Variants in PHF20 observed in about 807,000 individuals in gnomAD.
PHF20 encodes the protein PHD finger protein 20.
In PHF20, 23 loss-of-function variants were observed where a neutral mutation model predicts 113.5. The observed-to-expected ratio is 0.20, with a 90% confidence interval of 0.15 to 0.29. The LOEUF (loss-of-function observed/expected upper bound fraction) is 0.29. PHF20 is among the 10% of genes least tolerant of loss of function. PHF20 has a pLI of 1.00. For missense variants in PHF20, 943 were observed against 1,219.6 expected, an observed-to-expected ratio of 0.77 and a Z score of 3.38; for synonymous variants, 434 against 457.3, an observed-to-expected ratio of 0.95 and a Z score of 0.65.
chr20:35,862,880 G>T (rs17093179), intron 5 of PHF20, 133 bp from the exon 6 acceptor site: 25,760 of 795,288 alleles, frequency 0.032, 587 homozygotes, highest in African/African-American at 0.1. Flanking sequence ...GTTGTCAGTG[G>T]TGCTTTGTAT....
At chr20:35,893,117 A>G (rs865856428) in intron 9 of PHF20, among the ~76,000 whole-genome samples, 3 of 152,336 alleles carry the variant, frequency 2.0e-5, no homozygotes, top group Middle Eastern at 3.4e-3. Context: ...CTGAGTGCCA[A>G]GCTGGCGCTC....
At chr20:35,874,352 G>A (rs1437095854) in intron 9 of PHF20, among the ~76,000 whole-genome samples, 1 of 152,226 alleles carries the variant, frequency 6.6e-6, no homozygotes, top group African/African-American at 2.4e-5. Context: ...AAGGCAAAAA[G>A]CGACAGTCAT....
chr20:35,945,212 C>T (rs1028055753), intron 17 of PHF20, among the ~76,000 whole-genome samples: 3 of 152,128 alleles, frequency 2.0e-5, no homozygotes, highest in African/African-American at 4.8e-5. Flanking sequence ...TTCCTTCTCT[C>T]GCTGTGTTTG....
chr20:35,869,415 G>A, intron 6 of PHF20, 23 bp from the exon 7 acceptor site: 1 of 1,207,100 alleles, frequency 8.3e-7, no homozygotes, highest in Non-Finnish European at 1.2e-6. Context: ...ATCTTTTTTT[G>A]TGTGGTTTTA....
chr20:35,943,961 C>T (rs894242723), intron 17 of PHF20, among the ~76,000 whole-genome samples: 33 of 151,008 alleles, frequency 2.2e-4, no homozygotes, highest in African/African-American at 6.8e-4. Context: ...TATTTAATGA[C>T]CATGAAAAGT....
intron 2 of PHF20, among the ~76,000 whole-genome samples, chr20:35,820,436 G>A (rs2042147805): frequency 6.7e-6 from 1 of 149,912 alleles, no homozygotes; most frequent in Non-Finnish European, 1.5e-5. Context: ...CTAGAAAGTG[G>A]AATAAGTACT....
chr20:35,783,268 G>T (rs1261380408), intron 1 of PHF20, among the ~76,000 whole-genome samples: 1 of 152,096 alleles, frequency 6.6e-6, no homozygotes, highest in Non-Finnish European at 1.5e-5. Flanking sequence ...GATTTATGAG[G>T]AGTTGAGTAT....
rs191653316 is a variant in PHF20 at position 35,797,838 on chromosome 20, G to T, written c.-32-3653G>T. Among the ~76,000 whole-genome samples the T allele has an allele frequency of 1.2e-4, 18 of 151,814 alleles. No homozygotes were observed. In the East Asian group the frequency reaches 3.5e-3, roughly 30 times the overall value. ...GGCTAATTTTTGTATTTTTAGTAGA[G>T]ACGGGGTTTCACCATGTTGGCTAGG... On this transcript the variant is annotated intron_variant, in intron 1 of 17. Transcript: ENST00000374012.
At chr20:35,922,663 C>T (rs1010224936) in intron 13 of PHF20, among the ~76,000 whole-genome samples, 9 of 152,174 alleles carry the variant, frequency 5.9e-5, no homozygotes, top group Non-Finnish European at 1.2e-4. Flanking sequence ...ACAGGAAATA[C>T]ATTTGATATT....
intron 2 of PHF20, among the ~76,000 whole-genome samples, chr20:35,827,802 A>AT (rs2042289515): frequency 1.3e-5 from 2 of 151,020 alleles, no homozygotes; most frequent in African/African-American, 4.9e-5. Context: ...AAAAAAAAAA[A>AT]GCAGAAGGCT....
intron 1 of PHF20, among the ~76,000 whole-genome samples, chr20:35,781,341 C>T (rs866525888): frequency 1.3e-5 from 2 of 151,428 alleles, no homozygotes; most frequent in Non-Finnish European, 2.9e-5. Flanking sequence ...ACGGGTTTCA[C>T]CGTATTAGCC....
At chr20:35,936,076 T>C (rs553448901) in intron 15 of PHF20, among the ~76,000 whole-genome samples, 46 of 152,292 alleles carry the variant, frequency 3.0e-4, no homozygotes, top group Admixed American at 2.7e-3. Context: ...CACCTTCAGA[T>C]CGCAGTTGGA....
intron 9 of PHF20, among the ~76,000 whole-genome samples, chr20:35,891,490 AC>A (rs1365254902): frequency 6.6e-6 from 1 of 152,188 alleles, no homozygotes; most frequent in Non-Finnish European, 1.5e-5. Flanking sequence ...TCCATAAAAT[AC>A]TTACAGGAAT....
chr20:35,922,583 A>G (rs917479532), intron 13 of PHF20, among the ~76,000 whole-genome samples: 2 of 152,236 alleles, frequency 1.3e-5, no homozygotes, highest in Non-Finnish European at 2.9e-5. Context: ...GCTAATTTAA[A>G]TCACTGGAAG....
chr20:35,948,884 G>A lies in PHF20; in HGVS notation c.*1257G>A, dbSNP rs1382058529. The A allele has an allele frequency of 2.0e-5, 3 of 152,602 alleles. No homozygotes were observed. The highest frequency in any genetic ancestry group is 4.8e-5 in the African/African-American group (2 of 41,440). 9.5% of individuals were successfully genotyped at this position (152,602 alleles called of 1,614,324 possible). A position where few individuals can be genotyped will look rare whatever the true frequency, so the allele number is the denominator to read the frequency against. ...CACAGTTGTCCATTAACACTTATAA[G>A]TTAATTATGGGTTTATGAGTCTGTA... On this transcript the variant is annotated 3_prime_UTR_variant, in exon 18 of 18. Coordinates refer to ENST00000374012, the MANE Select transcript of PHF20 (RefSeq NM_016436.5).
At chr20:35,786,066 G>A (rs1351903987) in intron 1 of PHF20, among the ~76,000 whole-genome samples, 1 of 149,634 alleles carries the variant, frequency 6.7e-6, no homozygotes, top group Non-Finnish European at 1.5e-5. Flanking sequence ...AACAAATCTT[G>A]TAAGGATAGC....
intron 10 of PHF20, among the ~76,000 whole-genome samples, chr20:35,903,077 C>CTTTTTTTTTTT (rs376888832): frequency 3.3e-5 from 2 of 60,006 alleles, no homozygotes; most frequent in African/African-American, 6.7e-5. Flanking sequence ...CCTATCCTTT[C>CTTTTTTTTTTT]TTTTTTTTTT....
chr20:35,838,874 G>A (rs2042490182), intron 2 of PHF20, among the ~76,000 whole-genome samples: 1 of 151,296 alleles, frequency 6.6e-6, no homozygotes, highest in Non-Finnish European at 1.5e-5. Context: ...TGAGCCTGTA[G>A]TCCCAGCTAC....
intron 15 of PHF20, 48 bp downstream of exon 15, chr20:35,931,492 T>C (rs776351593): frequency 1.7e-5 from 24 of 1,453,106 alleles, no homozygotes; most frequent in Non-Finnish European, 2.1e-5. Context: ...TGGCATGGTC[T>C]GGGGGCTGAG....
Sources: gnomAD v4.1 joint callset for allele counts (sites outside exome capture counted in the v4.1 genomes callset) on GRCh38, gnomAD v4.1.1 for gene constraint, MANE v1.5 for transcripts, NCBI Gene and HGNC (gene_info 2026-07-23, HGNC 2026-07-21) for gene names.